DOCK2: variants seen among roughly 807,000 people sequenced by gnomAD.
DOCK2 encodes dedicator of cytokinesis protein 2.
DOCK2 carries 87 observed loss-of-function variants against 248.9 expected under a neutral mutation model. That is an observed-to-expected ratio of 0.35 (90% confidence interval 0.29 to 0.42). The LOEUF is 0.42. DOCK2 is among the 10% of genes least tolerant of loss of function. The probability of loss-of-function intolerance (pLI) is 1.00; values close to 1 mark genes in which losing one functional copy is unlikely to be tolerated. For synonymous variants in DOCK2, 805 were observed against 821.6 expected, an observed-to-expected ratio of 0.98 and a Z score of 0.35; for missense variants, 1,747 against 2,300.2, an observed-to-expected ratio of 0.76 and a Z score of 4.92.
intron 26 of DOCK2, among the ~76,000 whole-genome samples, chr5:169,822,712 G>C (rs1768546716): frequency 6.6e-6 from 1 of 152,178 alleles, no homozygotes. Context: ...AAAAGAACTA[G>C]AGAAGCAAGA....
At chr5:170,058,745 A>C (rs1757223232) in intron 44 of DOCK2, among the ~76,000 whole-genome samples, 1 of 152,202 alleles carries the variant, frequency 6.6e-6, no homozygotes, top group Non-Finnish European at 1.5e-5. Flanking sequence ...CAGAGCCATG[A>C]GCAGAGGAGG....
chr5:169,879,245 C>T (rs749455355), intron 27 of DOCK2, among the ~76,000 whole-genome samples: 7 of 152,144 alleles, frequency 4.6e-5, no homozygotes, highest in Non-Finnish European at 8.8e-5. Flanking sequence ...CATCCATCAT[C>T]GGGGAGAGAG....
intron 29 of DOCK2, among the ~76,000 whole-genome samples, chr5:169,987,103 T>C (rs1422222581): frequency 3.3e-5 from 5 of 152,246 alleles, no homozygotes; most frequent in Admixed American, 1.3e-4. Context: ...TCTGTGTGTG[T>C]GTCTCTCTCT....
intron 27 of DOCK2, among the ~76,000 whole-genome samples, chr5:169,950,467 G>A (rs576242845): frequency 6.6e-6 from 1 of 152,234 alleles, no homozygotes; most frequent in African/African-American, 2.4e-5. Context: ...AACAGAAGTG[G>A]AGATCACTGT....
intron 29 of DOCK2, among the ~76,000 whole-genome samples, chr5:169,993,793 A>T (rs1171120279): frequency 1.3e-5 from 2 of 152,212 alleles, no homozygotes; most frequent in Non-Finnish European, 2.9e-5. Context: ...CAGAGTGCTC[A>T]GCTCACCTGC....
chr5:169,908,713 C>CTTTTTT (rs34261104), intron 27 of DOCK2, among the ~76,000 whole-genome samples: 84 of 104,952 alleles, frequency 8.0e-4, no homozygotes, highest in Non-Finnish European at 1.2e-3. Flanking sequence ...TTTCTTTTTT[C>CTTTTTT]TTTTTTTTTT....
rs557028134 is a variant in DOCK2, at chr5:170,013,134, A to G, written c.3232+4388A>G. Among the ~76,000 whole-genome samples the G allele has an allele frequency of 4.2e-3, 646 of 152,190 alleles. 4 individuals are homozygous for G. The highest frequency in any genetic ancestry group is 0.015 in the African/African-American group (615 of 41,460). On this transcript the variant is annotated intron_variant, in intron 32 of 51. Transcript: ENST00000520908. The stretch of plus-strand genomic sequence containing the variant: ...GAATTGGAAGGAGGACCATGTCAGG[A>G]CTGAAGGAAAGACAGGGAAAGGGCA...
intron 29 of DOCK2, among the ~76,000 whole-genome samples, chr5:169,993,153 G>A (rs1056364997): frequency 6.6e-5 from 10 of 152,246 alleles, no homozygotes; most frequent in Non-Finnish European, 1.5e-4. Context: ...TGGGGGATCA[G>A]ATAACTAATC....
chr5:169,918,313 C>T (rs115992083), intron 27 of DOCK2, among the ~76,000 whole-genome samples: 2 of 152,304 alleles, frequency 1.3e-5, no homozygotes, highest in South Asian at 2.1e-4. Flanking sequence ...ATAAATTATA[C>T]TCTGCCTATA....
chr5:169,766,519 G>T (rs1165354964), intron 25 of DOCK2, among the ~76,000 whole-genome samples: 3 of 152,160 alleles, frequency 2.0e-5, no homozygotes, highest in Non-Finnish European at 4.4e-5. Context: ...TGTGAATAAA[G>T]CTGTGATGAA....
Position 169,823,577 on chromosome 5 carries a change from C to A in DOCK2, c.2704-17180C>A, listed in dbSNP as rs554039819. On this transcript the variant is annotated intron_variant, in intron 26 of 51. Transcript: ENST00000520908. ...CTTTGACAAAATTCAGCAGCCCTTCCTGCTAAAAACTCTCAATAAATTAGG... is the reference window on the plus strand; with the variant it reads ...CTTTGACAAAATTCAGCAGCCCTTCATGCTAAAAACTCTCAATAAATTAGG... 5.3e-5 allele frequency among the ~76,000 whole-genome samples: 8 copies of A among 152,266 alleles called. No homozygotes were observed. The South Asian group carries it at 1.7e-3, about 32-fold the overall frequency.
At chr5:170,021,748 A>G (rs1477649230) in intron 33 of DOCK2, among the ~76,000 whole-genome samples, 1 of 152,188 alleles carries the variant, frequency 6.6e-6, no homozygotes, top group East Asian at 1.9e-4. Context: ...GGCGTGCTTC[A>G]TAGGAGCTCA....
intron 22 of DOCK2, 25 bp downstream of exon 22, chr5:169,718,816 A>T: frequency 7.5e-6 from 12 of 1,601,306 alleles, no homozygotes; most frequent in Non-Finnish European, 1.0e-5. Context: ...TGTAAGAGTG[A>T]TTGATTAGCT....
intron 30 of DOCK2, among the ~76,000 whole-genome samples, chr5:170,004,361 G>A (rs939848068): frequency 2.0e-5 from 3 of 152,172 alleles, no homozygotes; most frequent in Admixed American, 2.0e-4. Flanking sequence ...TTTAATGATT[G>A]CCGTTCTAAC....
At chr5:170,045,707 G>T (rs1756683337) in intron 38 of DOCK2, 109 bp from the exon 39 acceptor site, 1 of 1,111,936 alleles carries the variant, frequency 9.0e-7, no homozygotes, top group South Asian at 1.3e-5. Context: ...TCAGAGCAAG[G>T]TTTCCCCTCA....
At chr5:169,683,405 A>G (rs901167842) in intron 7 of DOCK2, among the ~76,000 whole-genome samples, 3 of 137,816 alleles carry the variant, frequency 2.2e-5, no homozygotes, top group African/African-American at 8.2e-5. Flanking sequence ...AATTTTTTTT[A>G]TTTTCTGTAG....
chr5:170,052,184 G>A (rs916585077), intron 41 of DOCK2, among the ~76,000 whole-genome samples: 8 of 152,198 alleles, frequency 5.3e-5, no homozygotes, highest in Non-Finnish European at 1.2e-4. Flanking sequence ...TCTTCTCTCC[G>A]GTGGTAAATA....
intron 19 of DOCK2, 127 bp from the exon 20 acceptor site, chr5:169,716,086 C>G: frequency 1.2e-6 from 1 of 822,668 alleles, no homozygotes; most frequent in East Asian, 2.7e-5. Flanking sequence ...CTACTCTAGA[C>G]GTTTTGAGCA....
rs10045010 is a variant in DOCK2, at chr5:170,047,375, A to G, written c.3967-135A>G. On this transcript the variant is annotated intron_variant, in intron 39 of 51. Transcript: ENST00000520908. The stretch of plus-strand genomic sequence containing the variant: ...CTATTACTATTGTGATTATAGACAT[A>G]GCACAGATATGTAAATATGTGCACA... The G allele has an allele frequency of 6.8e-3, 4,579 of 674,284 alleles. 153 individuals are homozygous for G. In the African/African-American group the frequency reaches 0.071, roughly 10 times the overall value. 41.8% of individuals were successfully genotyped at this position (674,284 alleles called of 1,614,324 possible). A position where few individuals can be genotyped will look rare whatever the true frequency, so the allele number is the denominator to read the frequency against.
Sources: allele counts gnomAD v4.1 joint callset (sites outside exome capture counted in the v4.1 genomes callset), GRCh38; gene constraint gnomAD v4.1.1; transcripts MANE v1.5; gene names NCBI Gene and HGNC (gene_info 2026-07-23, HGNC 2026-07-21).